The following RGPD2 variants were observed in gnomAD, a reference collection of about 807,000 sequenced individuals.
RGPD2 encodes RANBP2-like and GRIP domain-containing protein 2.
Under a neutral mutation model 36.0 loss-of-function variants are expected in RGPD2, and 2 were observed. The ratio of observed to expected loss-of-function variants is 0.06; its 90% CI spans 0.02 to 0.17. The LOEUF is 0.17. RGPD2 is among the 10% of genes least tolerant of loss of function. RGPD2 has a pLI of 1.00. For synonymous variants in RGPD2, 19 were observed against 163.8 expected, an observed-to-expected ratio of 0.12 and a Z score of 6.75; for missense variants, 40 against 464.3, an observed-to-expected ratio of 0.09 and a Z score of 8.40.
At chr2:87,885,042 A>G in the RGPD2 span, among the ~76,000 whole-genome samples, 2 of 152,112 alleles carry the variant, frequency 1.3e-5, no homozygotes. Context: ...AATCTTCAAC[A>G]ATATGCATAT....
At chr2:87,824,786 G>GAGGCCGAGGCCGCCGCCGCCCGGCC (rs1686590607) in intron 1 of RGPD2, among the ~76,000 whole-genome samples, 1 of 16,496 alleles carries the variant, frequency 6.1e-5, no homozygotes, top group Non-Finnish European at 9.7e-5. Flanking sequence ...GGCCGAGGCC[G>GAGGCCGAGGCCGCCGCCGCCCGGCC]AGGCCGAGGC....
At chr2:87,961,976 G>A in the RGPD2 span, among the ~76,000 whole-genome samples, 22 of 139,334 alleles carry the variant, frequency 1.6e-4, no homozygotes, top group Admixed American at 1.3e-3. Context: ...ACAATGAACT[G>A]TGATAGCGCC....
chr2:87,984,246 G>C, the RGPD2 span, among the ~76,000 whole-genome samples: 1 of 152,176 alleles, frequency 6.6e-6, no homozygotes, highest in Non-Finnish European at 1.5e-5. Context: ...TTTAAATGAT[G>C]CTAGTAAGAA....
At chr2:87,940,628 C>CAGTT in the RGPD2 span, among the ~76,000 whole-genome samples, 3 of 73,004 alleles carry the variant, frequency 4.1e-5, no homozygotes, top group Non-Finnish European at 1.0e-4. Flanking sequence ...GATAAATTTT[C>CAGTT]TGTTTGTGTG....
At chr2:87,883,047 T>C in the RGPD2 span, among the ~76,000 whole-genome samples, 1 of 152,154 alleles carries the variant, frequency 6.6e-6, no homozygotes, top group Admixed American at 6.5e-5. Context: ...AATTCTGTAA[T>C]GGTGGTGGAT....
chr2:87,934,008 T>A, the RGPD2 span, among the ~76,000 whole-genome samples: 9 of 110,190 alleles, frequency 8.2e-5, 1 homozygote, highest in Admixed American at 7.1e-4. Flanking sequence ...TGTTTATGGT[T>A]GTTAGTGTTT....
At chr2:87,886,893 G>A in the RGPD2 span, among the ~76,000 whole-genome samples, 1 of 151,830 alleles carries the variant, frequency 6.6e-6, no homozygotes, top group African/African-American at 2.4e-5. Flanking sequence ...AACACAGAGA[G>A]GTTAAGCATG....
chr2:87,879,361 C>T, the RGPD2 span, among the ~76,000 whole-genome samples: 3 of 151,472 alleles, frequency 2.0e-5, no homozygotes, highest in Non-Finnish European at 2.9e-5. Flanking sequence ...ACAGTCATGC[C>T]GTTTTCCTGT....
At chr2:87,906,824 T>C in the RGPD2 span, among the ~76,000 whole-genome samples, 1 of 147,376 alleles carries the variant, frequency 6.8e-6, no homozygotes, top group Admixed American at 6.9e-5. Context: ...GAGGCTTAGG[T>C]GGGAAGAGCA....
chr2:87,825,581 TCGA>T (rs1686755295), intron 1 of RGPD2, 74 bp downstream of exon 1: 2 of 1,040,044 alleles, frequency 1.9e-6, no homozygotes, highest in Non-Finnish European at 2.5e-6. Flanking sequence ...CCCGGCCAGG[TCGA>T]GGCCGCCGCC....
chr2:87,971,853 G>A, the RGPD2 span, among the ~76,000 whole-genome samples: 1 of 152,092 alleles, frequency 6.6e-6, no homozygotes, highest in African/African-American at 2.4e-5. Context: ...TCTTTGCCAA[G>A]AGTAATAATA....
chr2:87,929,177 T>C, the RGPD2 span, among the ~76,000 whole-genome samples: 4 of 152,038 alleles, frequency 2.6e-5, no homozygotes, highest in African/African-American at 9.6e-5. Flanking sequence ...GTTTTTTTTA[T>C]AGTTTTGGGT....
chr2:87,947,918 C>T, the RGPD2 span, among the ~76,000 whole-genome samples: 3 of 151,826 alleles, frequency 2.0e-5, no homozygotes, highest in Admixed American at 6.6e-5. Context: ...CTAACTCTGG[C>T]TACCCGTTCG....
the RGPD2 span, among the ~76,000 whole-genome samples, chr2:87,915,361 A>ATATATGTATATTATATATATTG: frequency 5.5e-5 from 5 of 90,736 alleles, no homozygotes; most frequent in South Asian, 5.6e-4. Context: ...TATATATTAT[A>ATATATGTATATTATATATATTG]TATATATGTA....
chr2:87,830,673 CA>C (rs1209250002), upstream of RGPD2, among the ~76,000 whole-genome samples: 1 of 152,196 alleles, frequency 6.6e-6, no homozygotes, highest in African/African-American at 2.4e-5. Flanking sequence ...CTCACAGATT[CA>C]CATGGCTGGG....
chr2:87,940,856 C>A, the RGPD2 span, among the ~76,000 whole-genome samples: 1 of 151,362 alleles, frequency 6.6e-6, no homozygotes, highest in Non-Finnish European at 1.5e-5. Context: ...GAAACTGATA[C>A]GTTTAAACAA....
chr2:87,868,800 CAG>C, the RGPD2 span, among the ~76,000 whole-genome samples: 3 of 151,986 alleles, frequency 2.0e-5, no homozygotes, highest in African/African-American at 7.3e-5. Context: ...ACCTCTGTAT[CAG>C]AGAGTCTTTA....
At chr2:87,784,685 ACT>A (rs1685526209) in intron 19 of RGPD2, among the ~76,000 whole-genome samples, 1 of 110,620 alleles carries the variant, frequency 9.0e-6, no homozygotes, top group Admixed American at 1.1e-4. Flanking sequence ...GCACCCCAAC[ACT>A]CTGTCCTCAA....
chr2:87,983,568 G>A, the RGPD2 span, among the ~76,000 whole-genome samples: 1 of 123,768 alleles, frequency 8.1e-6, no homozygotes, highest in African/African-American at 3.0e-5. Context: ...TGCCTTCCTA[G>A]AATTTACATT....
Sources: gnomAD v4.1 joint callset for allele counts (sites outside exome capture counted in the v4.1 genomes callset) on GRCh38, gnomAD v4.1.1 for gene constraint, MANE v1.5 for transcripts, NCBI Gene and HGNC (gene_info 2026-07-23, HGNC 2026-07-21) for gene names.